LHX8: variants seen among roughly 807,000 people sequenced by gnomAD.
LHX8 encodes the protein LIM/homeobox protein Lhx8.
LHX8 carries 12 observed loss-of-function variants against 40.3 expected under a neutral mutation model. The observed-to-expected ratio is 0.30, with a 90% confidence interval of 0.19 to 0.48. The LOEUF is 0.48. Among genes scored for constraint, LHX8 ranks in the 20% least tolerant of loss-of-function variants. The probability of loss-of-function intolerance (pLI) is 0.99; values close to 1 mark genes in which losing one functional copy is unlikely to be tolerated. For synonymous variants in LHX8, 179 were observed against 162.0 expected, an observed-to-expected ratio of 1.10 and a Z score of -0.80; for missense variants, 344 against 433.7, an observed-to-expected ratio of 0.79 and a Z score of 1.84.
At chr1:75,178,414 T>C in the LHX8 span, among the ~76,000 whole-genome samples, 3 of 152,218 alleles carry the variant, frequency 2.0e-5, no homozygotes, top group African/African-American at 7.2e-5. Context: ...GGTGTATGTG[T>C]CCAGGAATTT....
chr1:75,137,156 C>T lies in LHX8; in HGVS notation c.132C>T (p.Ser44=), dbSNP rs570256719. Reference sequence around the variant, plus strand: ...CGTGCTCCTCCTCGGCCCCGCTGTCCCCGTCGTCCTCGCCCCGGTCCATGG... The same window carrying T: ...CGTGCTCCTCCTCGGCCCCGCTGTCTCCGTCGTCCTCGCCCCGGTCCATGG... ...EDSCSSSAPL[S]PSSSPRSMAS... The change falls in exon 3 of 9, where the codon TCC becomes TCT. Residue 44 remains serine, a synonymous_variant. Transcript: ENST00000356261. 9 of 1,612,910 alleles carry T rather than the reference C, an allele frequency of 5.6e-6. No individual in the cohort carries two copies. Among genetic ancestry groups the T allele is most frequent in the East Asian group, 2.2e-5 (1 of 44,826 alleles).
chr1:75,187,337 G>T, the LHX8 span, among the ~76,000 whole-genome samples: 1 of 152,140 alleles, frequency 6.6e-6, no homozygotes, highest in African/African-American at 2.4e-5. Flanking sequence ...TCCAGCATTT[G>T]GTTATAGGGT....
chr1:75,135,091 C>A, intron 1 of LHX8, 137 bp downstream of exon 1: 1 of 197,996 alleles, frequency 5.1e-6, no homozygotes, highest in Non-Finnish European at 9.1e-6. Flanking sequence ...CTTGCCTGCC[C>A]TGAGGCACAC....
At chr1:75,181,206 C>A in the LHX8 span, among the ~76,000 whole-genome samples, 1 of 152,280 alleles carries the variant, frequency 6.6e-6, no homozygotes, top group Admixed American at 6.5e-5. Context: ...ATTCTCAGAG[C>A]TCAAATACCA....
chr1:75,141,434 C>T (rs1291013455), intron 4 of LHX8, among the ~76,000 whole-genome samples: 1 of 151,956 alleles, frequency 6.6e-6, no homozygotes, highest in Non-Finnish European at 1.5e-5. Flanking sequence ...TGACAACGCC[C>T]CTGTTTGGTG....
intron 6 of LHX8, 45 bp downstream of exon 6, chr1:75,143,993 C>G: frequency 6.8e-7 from 1 of 1,467,398 alleles, no homozygotes; most frequent in East Asian, 2.3e-5. Context: ...CCCTCCCAAC[C>G]AAAAAAACAA....
chr1:75,157,444 G>A (rs1268127969), intron 8 of LHX8, among the ~76,000 whole-genome samples: 3 of 152,202 alleles, frequency 2.0e-5, no homozygotes, highest in East Asian at 1.9e-4. Flanking sequence ...TTGTTAAAGA[G>A]TTGTTTTTTA....
the LHX8 span, among the ~76,000 whole-genome samples, chr1:75,197,624 A>ATATTGCTT: frequency 6.6e-6 from 1 of 152,186 alleles, no homozygotes; most frequent in South Asian, 2.1e-4. Flanking sequence ...AAGAAAAGGA[A>ATATTGCTT]TATTGCTTTT....
At chr1:75,171,326 A>T in the LHX8 span, among the ~76,000 whole-genome samples, 1 of 152,110 alleles carries the variant, frequency 6.6e-6, no homozygotes, top group African/African-American at 2.4e-5. Flanking sequence ...ATATGCAGAC[A>T]TTTTGGCTAG....
chr1:75,153,811 A>G (rs551155824), intron 7 of LHX8, among the ~76,000 whole-genome samples: 16 of 152,234 alleles, frequency 1.1e-4, no homozygotes, highest in African/African-American at 3.6e-4. Flanking sequence ...CTAAACTTTA[A>G]TTTATCTGGC....
chr1:75,137,182 C>T lies in LHX8; in HGVS notation c.158C>T (p.Ala53Val). 6.2e-7 allele frequency: 1 copy of T among 1,613,548 alleles called. No individual in the cohort carries two copies. Among genetic ancestry groups the T allele is most frequent in the South Asian group, 1.1e-5 (1 of 91,054 alleles). ...CCGTCGTCCTCGCCCCGGTCCATGG[C>T]CTCGGGCTCCGGCTGCCCTCCTGGC... ...LSPSSSPRSM[A>V]SGSGCPPGKC... is the part of the protein sequence containing the mutation. The change falls in exon 3 of 9, where the codon GCC becomes GTC. Residue 53 changes from alanine to valine, a missense_variant. Physicochemically the swap from Ala to Val is moderately conservative, Grantham distance 64 (BLOSUM62 0). This residue lies in a region of LHX8 where 108 missense variants were observed against 90.1 expected (regional missense o/e 1.20). Coordinates refer to ENST00000356261, the MANE Select transcript of LHX8 (RefSeq NM_001256114.2).
At chr1:75,155,331 T>A (rs1364817912) in intron 7 of LHX8, among the ~76,000 whole-genome samples, 1 of 146,880 alleles carries the variant, frequency 6.8e-6, no homozygotes, top group East Asian at 2.1e-4. Flanking sequence ...ACCTCCCAGG[T>A]TCACTCCATT....
intron 7 of LHX8, among the ~76,000 whole-genome samples, chr1:75,153,220 A>G (rs1648658475): frequency 6.6e-6 from 1 of 151,526 alleles, no homozygotes; most frequent in Admixed American, 6.6e-5. Context: ...ATTCTCCTGC[A>G]TCAGCCTTCT....
chr1:75,137,451 C>T (rs1557486242), intron 3 of LHX8, among the ~76,000 whole-genome samples, 190 bp downstream of exon 3: 1 of 152,192 alleles, frequency 6.6e-6, no homozygotes, highest in Non-Finnish European at 1.5e-5. Flanking sequence ...ATCCCAGACT[C>T]TTCTATGTCG....
chr1:75,140,937 A>G, intron 3 of LHX8, 48 bp from the exon 4 acceptor site: 1 of 1,605,630 alleles, frequency 6.2e-7, no homozygotes, highest in Non-Finnish European at 8.5e-7. Context: ...AAACCAATGA[A>G]TACTTTTCTT....
Position 75,160,806 on chromosome 1 carries a change from T to C in LHX8, c.965-13T>C. The C allele has an allele frequency of 6.3e-7, 1 of 1,592,692 alleles. No individual in the cohort carries two copies. Among genetic ancestry groups the C allele is most frequent in the Non-Finnish European group, 8.6e-7 (1 of 1,160,574 alleles). ...CTACAAAACTGATCCACAAATTTCT[T>C]TCTATTTTGTAGCTCATTCACCAAC... On this transcript the variant is annotated splice_polypyrimidine_tract_variant and intron_variant, in intron 8 of 8. Coordinates refer to ENST00000356261, the MANE Select transcript of LHX8 (RefSeq NM_001256114.2).
At chr1:75,188,183 C>CT in the LHX8 span, among the ~76,000 whole-genome samples, 13 of 150,828 alleles carry the variant, frequency 8.6e-5, no homozygotes, top group East Asian at 9.8e-4. Context: ...TTTTGTTTTG[C>CT]TTTTTTTTTC....
At chr1:75,139,807 C>T (rs146490916) in intron 3 of LHX8, among the ~76,000 whole-genome samples, 129 of 152,228 alleles carry the variant, frequency 8.5e-4, no homozygotes, top group Non-Finnish European at 1.3e-3. Context: ...CTTTCAGCTT[C>T]GAAGTACCTT....
chr1:75,156,675 A>G (rs892304773), intron 7 of LHX8, among the ~76,000 whole-genome samples: 2 of 152,212 alleles, frequency 1.3e-5, no homozygotes, highest in Non-Finnish European at 2.9e-5. Context: ...TAGGTAAATC[A>G]CCAGAGAGCT....
Sources: gnomAD v4.1 joint callset for allele counts (sites outside exome capture counted in the v4.1 genomes callset) on GRCh38, gnomAD v4.1.1 for gene constraint, gnomAD v4.1.1 regional missense constraint, MANE v1.5 for transcripts, NCBI Gene and HGNC (gene_info 2026-07-23, HGNC 2026-07-21) for gene names.